The following KCNIP1 variants were observed in gnomAD, a reference collection of about 807,000 sequenced individuals.
KCNIP1 encodes potassium voltage-gated channel interacting protein 1.
A neutral mutation model predicts 33.0 loss-of-function variants in KCNIP1; 18 were observed. The observed-to-expected ratio is 0.55, with a 90% CI of 0.38 to 0.81. KCNIP1 has a LOEUF of 0.81. Ranked by LOEUF, KCNIP1 falls within the 30% of genes least tolerant of loss-of-function variation. The probability of loss-of-function intolerance (pLI) is 0.00; values close to 1 mark genes in which losing one functional copy is unlikely to be tolerated. For synonymous variants in KCNIP1, 93 were observed against 98.3 expected (o/e 0.95, Z 0.32); for missense variants, 238 against 271.6 (o/e 0.88, Z 0.87).
At chr5:170,444,951 T>A (rs1344190384) in intron 1 of KCNIP1, among the ~76,000 whole-genome samples, 1 of 152,144 alleles carries the variant, frequency 6.6e-6, no homozygotes, top group Non-Finnish European at 1.5e-5. Flanking sequence ...GAAGCACTAA[T>A]CCTCAGTCCA....
chr5:170,553,096 C>T (rs114031066), intron 1 of KCNIP1, among the ~76,000 whole-genome samples: 2,987 of 152,304 alleles, frequency 0.02, 102 homozygotes, highest in African/African-American at 0.069. Context: ...AGGGGAAAAT[C>T]GTAACCCCAG....
At chr5:170,389,252 T>G (rs1208313655) in intron 1 of KCNIP1, 2 of 152,268 alleles carry the variant, frequency 1.3e-5, no homozygotes, top group Non-Finnish European at 2.9e-5. Context: ...TCAGGCCCGG[T>G]ACTCACAGTC....
chr5:170,581,546 G>C (rs147193435), intron 1 of KCNIP1, among the ~76,000 whole-genome samples: 4 of 152,286 alleles, frequency 2.6e-5, no homozygotes, highest in Non-Finnish European at 5.9e-5. Flanking sequence ...TGTCTGCTTT[G>C]GACACAGGTG....
intron 1 of KCNIP1, chr5:170,375,111 T>C (rs1024202305): frequency 6.6e-6 from 1 of 152,238 alleles, no homozygotes; most frequent in Admixed American, 6.5e-5. Flanking sequence ...TTTTCTTCCT[T>C]TTTTAACTTA....
At chr5:170,704,665 C>T (rs62392775) in intron 1 of KCNIP1, among the ~76,000 whole-genome samples, 6,380 of 152,270 alleles carry the variant, frequency 0.042, 168 homozygotes, top group Middle Eastern at 0.082. Flanking sequence ...ATTCCTCCTC[C>T]TCCTCCTGCT....
intron 1 of KCNIP1, among the ~76,000 whole-genome samples, chr5:170,452,265 G>T (rs541183530): frequency 6.6e-6 from 1 of 152,206 alleles, no homozygotes; most frequent in Non-Finnish European, 1.5e-5. Flanking sequence ...AGTTGAGGAG[G>T]ATGATTAATC....
chr5:170,695,139 T>G (rs1762847480), intron 1 of KCNIP1, among the ~76,000 whole-genome samples: 1 of 152,084 alleles, frequency 6.6e-6, no homozygotes, highest in South Asian at 2.1e-4. Context: ...CCTTGTCACC[T>G]CCCGATCCCC....
At chr5:170,551,618 C>CTGTG (rs149174124) in intron 1 of KCNIP1, among the ~76,000 whole-genome samples, 5 of 150,046 alleles carry the variant, frequency 3.3e-5, no homozygotes, top group African/African-American at 9.8e-5. Context: ...GCCAAGGTAG[C>CTGTG]TGTGTGTGTG....
At chr5:170,539,219 GT>G (rs762493991) in intron 1 of KCNIP1, among the ~76,000 whole-genome samples, 17 of 152,078 alleles carry the variant, frequency 1.1e-4, no homozygotes, top group Non-Finnish European at 2.2e-4. Context: ...CATATGTCGG[GT>G]TGTCACTTCC....
At chr5:170,516,508 G>T (rs73313445) in intron 1 of KCNIP1, among the ~76,000 whole-genome samples, 16,189 of 152,186 alleles carry the variant, frequency 0.11, 997 homozygotes, top group Middle Eastern at 0.2. Flanking sequence ...AAAGACTTGG[G>T]ATTCCTTAAT....
chr5:170,632,400 G>A (rs904746179), intron 1 of KCNIP1, among the ~76,000 whole-genome samples: 4 of 152,192 alleles, frequency 2.6e-5, no homozygotes, highest in African/African-American at 4.8e-5. Context: ...GCCCCCTGGC[G>A]CTTCCTTGCA....
At chr5:170,439,752 T>C (rs1312516234) in intron 1 of KCNIP1, among the ~76,000 whole-genome samples, 2 of 152,210 alleles carry the variant, frequency 1.3e-5, no homozygotes, top group Admixed American at 6.5e-5. Flanking sequence ...TTCCCCAGGC[T>C]TGGCAGTGCC....
intron 1 of KCNIP1, chr5:170,385,331 C>T: frequency 6.2e-7 from 1 of 1,614,090 alleles, no homozygotes; most frequent in Non-Finnish European, 8.5e-7. Context: ...GGTAGAGGGG[C>T]AGCACAGTCG....
chr5:170,637,170 A>T (rs573018084), intron 1 of KCNIP1, among the ~76,000 whole-genome samples: 12 of 152,104 alleles, frequency 7.9e-5, no homozygotes, highest in African/African-American at 2.9e-4. Context: ...GGGATGGTGG[A>T]TTGTCCTTTC....
At chr5:170,378,569 C>CTAACA in intron 1 of KCNIP1, 1 of 949,986 alleles carries the variant, frequency 1.1e-6, no homozygotes, top group Non-Finnish European at 1.6e-6. Context: ...AGTCCTGCAA[C>CTAACA]AGAAGACAGC....
chr5:170,444,685 A>G (rs1756069131), intron 1 of KCNIP1, among the ~76,000 whole-genome samples: 1 of 142,902 alleles, frequency 7.0e-6, no homozygotes, highest in African/African-American at 2.7e-5. Context: ...TACAAATTAT[A>G]TTTTTTCTTT....
At chr5:170,490,039 G>A (rs533566834) in intron 1 of KCNIP1, among the ~76,000 whole-genome samples, 7 of 152,304 alleles carry the variant, frequency 4.6e-5, no homozygotes, top group African/African-American at 1.7e-4. Flanking sequence ...CCCAGTGAAT[G>A]AGACTGAGAG....
intron 1 of KCNIP1, among the ~76,000 whole-genome samples, chr5:170,642,485 G>A (rs1250712130): frequency 1.3e-5 from 2 of 152,200 alleles, no homozygotes; most frequent in Non-Finnish European, 2.9e-5. Context: ...TCAGTTCACT[G>A]AGTAACTGTG....
chr5:170,455,411 C>T (rs1756349676), intron 1 of KCNIP1, among the ~76,000 whole-genome samples: 1 of 152,136 alleles, frequency 6.6e-6, no homozygotes, highest in Admixed American at 6.5e-5. Flanking sequence ...GTGATCATGG[C>T]TCACTGCAGC....
Sources: allele counts gnomAD v4.1 joint callset (sites outside exome capture counted in the v4.1 genomes callset), GRCh38; gene constraint gnomAD v4.1.1; transcripts MANE v1.5; gene names NCBI Gene and HGNC (gene_info 2026-07-23, HGNC 2026-07-21).